RPL9: variants seen among roughly 807,000 people sequenced by gnomAD.
The protein encoded by RPL9 is ribosomal protein L9.
For missense variants in RPL9, 149 were observed against 236.7 expected (o/e 0.63, Z 2.43); for synonymous variants, 82 against 77.1 (o/e 1.06, Z -0.33).
chr4:39,454,414 T>C, intron 7 of RPL9, 119 bp downstream of exon 7: 1 of 745,684 alleles, frequency 1.3e-6, no homozygotes. Context: ...ATTTACTGTG[T>C]TCCAGAATGC....
At chr4:39,456,245 A>G (rs1744080647) in intron 5 of RPL9, 161 bp downstream of exon 5, 1 of 708,388 alleles carries the variant, frequency 1.4e-6, no homozygotes, top group African/African-American at 2.2e-5. Context: ...AGTAGCACCA[A>G]CAGTTTAAGT....
chr4:39,457,400 C>A, intron 4 of RPL9, 186 bp downstream of exon 4: 1 of 518,340 alleles, frequency 1.9e-6, no homozygotes, highest in South Asian at 2.8e-5. Context: ...CATGTTGTAC[C>A]CATCTGGTCT....
At chr4:39,458,111 A>C (rs764893942) in intron 3 of RPL9, 83 bp downstream of exon 3, 1 of 1,389,368 alleles carries the variant, frequency 7.2e-7, no homozygotes, top group Admixed American at 1.9e-5. Flanking sequence ...CCTTAATTCG[A>C]AAATTGTTAA....
At chr4:39,456,625 T>C (rs1744097781) in intron 4 of RPL9, 87 bp from the exon 5 acceptor site, 2 of 1,432,904 alleles carry the variant, frequency 1.4e-6, no homozygotes, top group Non-Finnish European at 1.9e-6. Flanking sequence ...TATACTTATT[T>C]TAAAACGTAA....
chr4:39,456,462 A>G lies in RPL9; in HGVS notation c.335T>C (p.Val112Ala), dbSNP rs1019586152. 1 of 1,614,074 alleles carries G rather than the reference A, an allele frequency of 6.2e-7. No homozygotes were observed. The highest frequency in any genetic ancestry group is 8.5e-7 in the Non-Finnish European group (1 of 1,180,020). The change falls in exon 5 of 8, where the codon GTT becomes GCT. Residue 112 changes from valine (V) to alanine (A), a missense_variant. Val to Ala is a moderately conservative substitution (Grantham distance 64). Transcript: ENST00000295955. ...NVVIQENGSL[V>A]EIRNFLGEKY... Reference sequence around the variant, plus strand: ...TTCACCCAAGAAATTTCGGATTTCAACAAGAGACCCATTCTCCTGGATAAC... The same window carrying G: ...TTCACCCAAGAAATTTCGGATTTCAGCAAGAGACCCATTCTCCTGGATAAC...
intron 4 of RPL9, chr4:39,456,824 T>A (rs1744105088): frequency 3.1e-6 from 1 of 326,768 alleles, no homozygotes; most frequent in African/African-American, 2.2e-5. Flanking sequence ...TAGACTAACA[T>A]TTACTGAGTT....
chr4:39,454,669 G>C lies in RPL9; in HGVS notation c.473-20C>G. 6.3e-7 allele frequency: 1 copy of C among 1,597,592 alleles called. No individual in the cohort carries two copies. Among genetic ancestry groups the C allele is most frequent in the Non-Finnish European group, 8.6e-7 (1 of 1,168,474 alleles). On this transcript the variant is annotated intron_variant, in intron 6 of 7. Coordinates refer to ENST00000295955, the MANE Select transcript of RPL9 (RefSeq NM_000661.5). Reference sequence around the variant, plus strand: ...AAGCCGCTATAGGAGTGAAGATAAAGCAATTAATACATCAGCCTAACCCAT... The same window carrying C: ...AAGCCGCTATAGGAGTGAAGATAAACCAATTAATACATCAGCCTAACCCAT...
At chr4:39,455,634 GGTGGCAGGCACCT>G (rs1466509658) in intron 5 of RPL9, among the ~76,000 whole-genome samples, 1 of 152,096 alleles carries the variant, frequency 6.6e-6, no homozygotes, top group African/African-American at 2.4e-5. Flanking sequence ...AGCTGGATGT[GGTGGCAGGCACCT>G]GCAGTGCCAG....
At position 39,457,575 on chromosome 4, in the gene RPL9, C is replaced by T; in HGVS notation, c.258+11G>A. The T allele has an allele frequency of 2.5e-6, 4 of 1,607,166 alleles. No individual in the cohort carries two copies. Among genetic ancestry groups the T allele is most frequent in the Non-Finnish European group, 3.4e-6 (4 of 1,173,870 alleles). ...CTTTCCAAAACAAGGAAGTCTGATACATCTGCTTACCAGTGTAACACCCTT... is the reference window on the plus strand; with the variant it reads ...CTTTCCAAAACAAGGAAGTCTGATATATCTGCTTACCAGTGTAACACCCTT... On this transcript the variant is annotated intron_variant, in intron 4 of 7. Transcript: ENST00000295955.
chr4:39,457,862 A>T lies in RPL9; in HGVS notation c.163-181T>A. The T allele has an allele frequency of 9.4e-6, 6 of 639,450 alleles. No homozygotes were observed. The South Asian group carries it at 1.1e-4, about 12-fold the overall frequency. 39.6% of individuals were successfully genotyped at this position (639,450 alleles called of 1,614,324 possible). On this transcript the variant is annotated intron_variant, in intron 3 of 7. Coordinates refer to ENST00000295955, the MANE Select transcript of RPL9 (RefSeq NM_000661.5). ...AGTTAAGCTTTGTAGAAGTTGCAAC[A>T]AACTTCCCTTCTGGAAAATTAAATC...
chr4:39,458,090 G>A (rs1255647662), intron 3 of RPL9, 104 bp downstream of exon 3: 3 of 1,109,554 alleles, frequency 2.7e-6, no homozygotes, highest in Non-Finnish European at 4.0e-6. Context: ...ATTTAAAGCT[G>A]AAGCACTGAA....
chr4:39,458,342 A>G lies in RPL9; in HGVS notation c.47-33T>C. 2 of 1,613,996 alleles carry G rather than the reference A, an allele frequency of 1.2e-6. 1 individual carries two copies. Among genetic ancestry groups the G allele is most frequent in the South Asian group, 2.2e-5 (2 of 91,080 alleles). On this transcript the variant is annotated intron_variant, in intron 2 of 7. Coordinates refer to ENST00000295955, the MANE Select transcript of RPL9 (RefSeq NM_000661.5). ...AGAGAACACACTCGTCAGGCCACAC[A>G]ACGCTTGGAACGTGCAGTAAAGATG...
intron 5 of RPL9, chr4:39,456,106 T>C (rs1744074994): frequency 7.6e-6 from 3 of 395,098 alleles, no homozygotes; most frequent in Non-Finnish European, 1.4e-5. Context: ...CACCATTATA[T>C]ACACCTTTTG....
chr4:39,458,011 A>C (rs778062648), intron 3 of RPL9, 183 bp downstream of exon 3: 1 of 723,452 alleles, frequency 1.4e-6, no homozygotes, highest in Non-Finnish European at 2.5e-6. Flanking sequence ...TTTGAGCTTT[A>C]TATAATTGGC....
chr4:39,458,486 T>C (rs753700101), intron 1 of RPL9, 46 bp from the exon 2 acceptor site: 1 of 1,598,274 alleles, frequency 6.3e-7, no homozygotes, highest in Admixed American at 1.7e-5. Context: ...GGCCCGTTTT[T>C]CCACCAAACT....
intron 5 of RPL9, chr4:39,456,037 T>C: frequency 3.5e-6 from 1 of 283,974 alleles, no homozygotes; most frequent in Non-Finnish European, 6.9e-6. Context: ...ATTAGCCTGA[T>C]TTAGTCATTC....
intron 1 of RPL9, chr4:39,458,658 C>A: frequency 1.6e-6 from 1 of 625,378 alleles, no homozygotes; most frequent in Non-Finnish European, 2.8e-6. Context: ...TCCCACTCAG[C>A]CCAACCCTGG....
chr4:39,458,667 G>A (rs887618562), intron 1 of RPL9: 6 of 623,738 alleles, frequency 9.6e-6, no homozygotes, highest in African/African-American at 9.2e-5. Context: ...GCCCAACCCT[G>A]GAAGTCCTAT....
At chr4:39,458,841 C>A (rs145824152) in intron 1 of RPL9, 50 bp downstream of exon 1, 5 of 693,538 alleles carry the variant, frequency 7.2e-6, no homozygotes, top group African/African-American at 7.0e-5. Context: ...TTTCCCAGAG[C>A]AGATGGTTTC....
Sources: allele counts gnomAD v4.1 joint callset (sites outside exome capture counted in the v4.1 genomes callset), GRCh38; gene constraint gnomAD v4.1.1; transcripts MANE v1.5; gene names NCBI Gene and HGNC (gene_info 2026-07-23, HGNC 2026-07-21).